Variants in DARS1 observed in about 807,000 individuals in gnomAD.
DARS1 encodes the protein aspartate--tRNA ligase, cytoplasmic.
A neutral mutation model predicts 68.8 loss-of-function variants in DARS1; 51 were observed. The ratio of observed to expected loss-of-function variants is 0.74; its 90% confidence interval spans 0.59 to 0.94. The LOEUF (loss-of-function observed/expected upper bound fraction) is 0.94, where lower values mean the gene tolerates loss of function less well. Among genes scored for constraint, DARS1 ranks in the 40% least tolerant of loss-of-function variants. The probability of loss-of-function intolerance (pLI) is 0.00; values close to 1 mark genes in which losing one functional copy is unlikely to be tolerated. For synonymous variants in DARS1, 203 were observed against 190.4 expected (o/e 1.07, Z -0.55); for missense variants, 607 against 597.3 (o/e 1.02, Z -0.17).
chr2:135,968,714 T>C (rs1341802112), intron 3 of DARS1, among the ~76,000 whole-genome samples: 4 of 140,510 alleles, frequency 2.8e-5, no homozygotes, highest in African/African-American at 1.1e-4. Flanking sequence ...CAGGCTGGAG[T>C]GTAGTGGTGC....
At chr2:135,936,207 G>A (rs1351210233) in intron 5 of DARS1, among the ~76,000 whole-genome samples, 1 of 152,182 alleles carries the variant, frequency 6.6e-6, no homozygotes, top group African/African-American at 2.4e-5. Flanking sequence ...ATTCTACTTA[G>A]TAGGTAATAC....
At chr2:135,933,173 G>A (rs1436028874) in intron 6 of DARS1, among the ~76,000 whole-genome samples, 1 of 152,210 alleles carries the variant, frequency 6.6e-6, no homozygotes, top group Admixed American at 6.6e-5. Flanking sequence ...CTAGCCCAAG[G>A]TTGAAGGAAC....
chr2:135,936,744 C>A (rs1575392301), intron 5 of DARS1, among the ~76,000 whole-genome samples: 3 of 152,124 alleles, frequency 2.0e-5, no homozygotes, highest in African/African-American at 7.2e-5. Flanking sequence ...ACAAAGACAA[C>A]AAAGTCATTT....
At chr2:135,955,668 A>G (rs1267142543) in intron 4 of DARS1, among the ~76,000 whole-genome samples, 2 of 147,860 alleles carry the variant, frequency 1.4e-5, no homozygotes, top group Admixed American at 1.4e-4. Flanking sequence ...TTTGAAAATA[A>G]AAATCTTTTT....
chr2:135,930,823 A>C (rs1237425571), intron 7 of DARS1, among the ~76,000 whole-genome samples: 1 of 152,208 alleles, frequency 6.6e-6, no homozygotes, highest in Non-Finnish European at 1.5e-5. Flanking sequence ...TCTGATCTAA[A>C]GGGAACTCTC....
chr2:135,979,274 C>T lies in DARS1; in HGVS notation c.217G>A (p.Gly73Arg). ...GCTTTAATAATGAAACCAATCCTAC[C>T]TTTAGCTCTGCTTGTATGAACTCTT... ...RARVHTSRAK[G>R]KQCFLVLRQQ... The change falls in exon 3 of 16, where the codon GGG (glycine) becomes AGG (arginine). Residue 73 changes from glycine to arginine, a missense_variant and splice_region_variant. Coordinates refer to ENST00000264161, the MANE Select transcript of DARS1 (RefSeq NM_001349.4). The T allele has an allele frequency of 7.8e-7, 1 of 1,282,228 alleles. No individual in the cohort carries two copies. Among genetic ancestry groups the T allele is most frequent in the Non-Finnish European group, 1.1e-6 (1 of 877,992 alleles). 79.4% of individuals were successfully genotyped at this position (1,282,228 alleles called of 1,614,324 possible). A position where few individuals can be genotyped will look rare whatever the true frequency, so the allele number is the denominator to read the frequency against.
intron 3 of DARS1, among the ~76,000 whole-genome samples, chr2:135,961,896 T>C (rs1682110367): frequency 6.6e-6 from 1 of 152,246 alleles, no homozygotes. Flanking sequence ...TGTACTACTA[T>C]GGAAGTTTCA....
chr2:135,922,224 A>G (rs1024689486), intron 9 of DARS1, among the ~76,000 whole-genome samples: 1 of 152,196 alleles, frequency 6.6e-6, no homozygotes, highest in Non-Finnish European at 1.5e-5. Flanking sequence ...GTGAAACAGA[A>G]CAGCTCTGGA....
At chr2:135,974,221 C>T (rs1021681175) in intron 3 of DARS1, among the ~76,000 whole-genome samples, 12 of 152,168 alleles carry the variant, frequency 7.9e-5, no homozygotes, top group Non-Finnish European at 1.2e-4. Flanking sequence ...TACTGGATGA[C>T]GCAAATACTC....
intron 7 of DARS1, among the ~76,000 whole-genome samples, chr2:135,930,915 T>C (rs867661507): frequency 6.6e-6 from 1 of 152,186 alleles, no homozygotes; most frequent in South Asian, 2.1e-4. Flanking sequence ...ATCTGGAATA[T>C]GAGTTATGTG....
At chr2:135,972,174 CA>C (rs1682385715) in intron 3 of DARS1, among the ~76,000 whole-genome samples, 1 of 152,076 alleles carries the variant, frequency 6.6e-6, no homozygotes, top group Non-Finnish European at 1.5e-5. Context: ...TACTTACCTT[CA>C]AATTATACTA....
chr2:135,935,674 A>C (rs1681453747), intron 5 of DARS1, among the ~76,000 whole-genome samples: 2 of 152,224 alleles, frequency 1.3e-5, no homozygotes, highest in African/African-American at 2.4e-5. Context: ...TAGTGATAAA[A>C]AGCAACTGGG....
At chr2:135,957,723 A>C (rs546960379) in intron 4 of DARS1, among the ~76,000 whole-genome samples, 1 of 152,184 alleles carries the variant, frequency 6.6e-6, no homozygotes, top group Non-Finnish European at 1.5e-5. Flanking sequence ...CAGCAGTTCT[A>C]AAACTACTCT....
intron 15 of DARS1, among the ~76,000 whole-genome samples, chr2:135,909,263 T>A (rs1402089731): frequency 1.3e-5 from 2 of 152,176 alleles, no homozygotes; most frequent in Non-Finnish European, 2.9e-5. Flanking sequence ...CTGCACATCC[T>A]GCACATGTAT....
chr2:135,911,463 T>G lies in DARS1; in HGVS notation c.1261A>C (p.Arg421=), dbSNP rs1558775639. The G allele has an allele frequency of 9.6e-7, 1 of 1,043,406 alleles. No individual in the cohort carries two copies. Among genetic ancestry groups the G allele is most frequent in the African/African-American group, 1.5e-5 (1 of 64,558 alleles). 64.6% of individuals were successfully genotyped at this position (1,043,406 alleles called of 1,614,324 possible). The change falls in exon 14 of 16, where the codon AGA becomes CGA. Residue 421 remains arginine, a synonymous_variant. Transcript: ENST00000264161. The part of the protein sequence containing the change: ...KQSNSYDMFM[R]GEEILSGAQR... ...GCTCCTGACAATATTTCTTCTCCTC[T>G]CATGAACATATCGTAAGAGTTGGAC...
In DARS1 at chr2:135,933,922, T is replaced by C. The variant is rs1396713339; in HGVS notation, c.492A>G (p.Ala164=). Residue 164 remains alanine, a synonymous_variant, in exon 6 of 16, where the codon GCA becomes GCG. Transcript: ENST00000264161. ...GTATAATTTTTACCTCTTCTCCTTC[T>C]GCCTCAGGCCGAACAGCATCATCCA... ...LQLDDAVRPE[A]EGEEEGRATV... 2 of 1,612,970 alleles carry C rather than the reference T, an allele frequency of 1.2e-6. No individual in the cohort carries two copies. The highest frequency in any genetic ancestry group is 8.5e-7 in the Non-Finnish European group (1 of 1,179,300).
At chr2:135,940,121 C>A (rs988595199) in intron 5 of DARS1, among the ~76,000 whole-genome samples, 6 of 152,124 alleles carry the variant, frequency 3.9e-5, no homozygotes, top group African/African-American at 1.4e-4. Flanking sequence ...CTATTCCAAT[C>A]AACAGAAAAA....
chr2:135,984,239 G>A (rs1234508049), intron 1 of DARS1, among the ~76,000 whole-genome samples: 3 of 152,142 alleles, frequency 2.0e-5, no homozygotes, highest in Non-Finnish European at 4.4e-5. Flanking sequence ...CTGCCACAAT[G>A]TCTACCTTGT....
chr2:135,959,595 T>TCA (rs1682058141), intron 4 of DARS1, among the ~76,000 whole-genome samples: 1 of 152,024 alleles, frequency 6.6e-6, no homozygotes, highest in African/African-American at 2.4e-5. Flanking sequence ...TCTGATATAG[T>TCA]CAATCGCTGT....
Sources: gnomAD v4.1 joint callset for allele counts (sites outside exome capture counted in the v4.1 genomes callset) on GRCh38, gnomAD v4.1.1 for gene constraint, MANE v1.5 for transcripts, NCBI Gene and HGNC (gene_info 2026-07-23, HGNC 2026-07-21) for gene names.